Variants in AFG2A observed in about 807,000 individuals in gnomAD.
AFG2A encodes ATPase family gene 2 protein homolog A.
the AFG2A span, among the ~76,000 whole-genome samples, chr4:123,226,313 G>T: frequency 2.0e-5 from 3 of 152,124 alleles, no homozygotes; most frequent in Non-Finnish European, 4.4e-5. Flanking sequence ...AATGCTTCCA[G>T]TTTTTGCCCA....
the AFG2A span, among the ~76,000 whole-genome samples, chr4:123,216,563 A>T: frequency 3.3e-4 from 50 of 152,318 alleles, no homozygotes; most frequent in African/African-American, 1.1e-3. Flanking sequence ...AGATTACAAA[A>T]CTATAAATAA....
chr4:123,127,549 GT>G, the AFG2A span, among the ~76,000 whole-genome samples: 3 of 151,858 alleles, frequency 2.0e-5, no homozygotes, highest in Admixed American at 2.0e-4. Flanking sequence ...AAGGTAAACA[GT>G]TTTTTTTAAT....
At chr4:123,206,648 TC>T in the AFG2A span, among the ~76,000 whole-genome samples, 2 of 152,226 alleles carry the variant, frequency 1.3e-5, no homozygotes, top group African/African-American at 4.8e-5. Flanking sequence ...AAGTGTGTTT[TC>T]CTTTCGATCC....
the AFG2A span, among the ~76,000 whole-genome samples, chr4:123,278,897 T>G: frequency 2.6e-5 from 4 of 152,232 alleles, no homozygotes; most frequent in Non-Finnish European, 5.9e-5. Context: ...TTCTTTGGTA[T>G]GTACATTCCA....
the AFG2A span, among the ~76,000 whole-genome samples, chr4:123,132,005 A>G: frequency 0.047 from 5,555 of 117,722 alleles, 335 homozygotes; most frequent in African/African-American, 0.13. Context: ...ATGTATCCTA[A>G]TGGGTATGAG....
the AFG2A span, among the ~76,000 whole-genome samples, chr4:123,208,812 T>C: frequency 1.3e-5 from 2 of 152,228 alleles, no homozygotes; most frequent in Non-Finnish European, 2.9e-5. Flanking sequence ...CTCTATAATA[T>C]AGTAAAATAT....
chr4:123,088,723 C>T, the AFG2A span, among the ~76,000 whole-genome samples: 1 of 152,118 alleles, frequency 6.6e-6, no homozygotes, highest in Non-Finnish European at 1.5e-5. Context: ...CGTGCTCTCT[C>T]TCTCTCTCCT....
At chr4:123,038,728 C>T in the AFG2A span, among the ~76,000 whole-genome samples, 1 of 152,114 alleles carries the variant, frequency 6.6e-6, no homozygotes, top group Non-Finnish European at 1.5e-5. Flanking sequence ...TTATTAGTAA[C>T]ACTTGACTTG....
chr4:123,223,396 A>C, the AFG2A span, among the ~76,000 whole-genome samples: 2 of 151,932 alleles, frequency 1.3e-5, no homozygotes, highest in Non-Finnish European at 2.9e-5. Flanking sequence ...GTATTGGTCC[A>C]CTCTCACACT....
At chr4:123,274,597 A>T in the AFG2A span, among the ~76,000 whole-genome samples, 1 of 141,502 alleles carries the variant, frequency 7.1e-6, no homozygotes, top group African/African-American at 2.9e-5. Flanking sequence ...CACATAATTA[A>T]AAAAAAAAAA....
chr4:123,174,880 G>A, the AFG2A span, among the ~76,000 whole-genome samples: 1 of 151,222 alleles, frequency 6.6e-6, no homozygotes, highest in South Asian at 2.1e-4. Context: ...ATCCAGGTTG[G>A]AGTGCAGTGG....
the AFG2A span, among the ~76,000 whole-genome samples, chr4:123,220,613 C>CAAAAAA: frequency 1.3e-3 from 52 of 41,362 alleles, no homozygotes; most frequent in South Asian, 5.7e-3. Flanking sequence ...GACTCCAACT[C>CAAAAAA]AAAAAAAAAA....
chr4:123,280,030 C>A, the AFG2A span, among the ~76,000 whole-genome samples: 1 of 152,086 alleles, frequency 6.6e-6, no homozygotes, highest in South Asian at 2.1e-4. Flanking sequence ...GAGGACAATA[C>A]CATGTGCAAT....
the AFG2A span, among the ~76,000 whole-genome samples, chr4:123,204,043 C>G: frequency 6.6e-6 from 1 of 152,158 alleles, no homozygotes; most frequent in African/African-American, 2.4e-5. Flanking sequence ...GCCTTTCCTT[C>G]GAAGTCACAT....
At chr4:123,035,181 T>TA in the AFG2A span, among the ~76,000 whole-genome samples, 2 of 152,162 alleles carry the variant, frequency 1.3e-5, no homozygotes, top group East Asian at 3.9e-4. Context: ...CTCTTTCTCT[T>TA]AGTGTTTTGG....
At chr4:123,007,642 A>AACACACAC in the AFG2A span, among the ~76,000 whole-genome samples, 160 of 25,522 alleles carry the variant, frequency 6.3e-3, 1 homozygote, top group Middle Eastern at 0.054. Flanking sequence ...ACACACACAC[A>AACACACAC]ACACACACAC....
the AFG2A span, among the ~76,000 whole-genome samples, chr4:123,049,890 A>G: frequency 6.6e-6 from 1 of 151,972 alleles, no homozygotes; most frequent in East Asian, 1.9e-4. Context: ...TAGTTCCTTG[A>G]AGTACATTAT....
chr4:122,935,715 A>G, the AFG2A span: 1 of 1,572,536 alleles, frequency 6.4e-7, no homozygotes, highest in Non-Finnish European at 8.6e-7. Flanking sequence ...TTCTTCCAGG[A>G]ATTCCTGCCC....
chr4:123,106,644 T>C, the AFG2A span, among the ~76,000 whole-genome samples: 1 of 152,232 alleles, frequency 6.6e-6, no homozygotes, highest in East Asian at 1.9e-4. Context: ...TACAACCCAT[T>C]TACACAGACC....
Sources: gnomAD v4.1 joint callset for allele counts (sites outside exome capture counted in the v4.1 genomes callset) on GRCh38, gnomAD v4.1.1 for gene constraint, MANE v1.5 for transcripts, NCBI Gene and HGNC (gene_info 2026-07-23, HGNC 2026-07-21) for gene names.